TCERG1: variants seen among roughly 807,000 people sequenced by gnomAD.
TCERG1 encodes the protein TATA box binding protein (TBP)-associated factor, RNA polymerase II, S, 150kD.
Under a neutral mutation model 144.7 loss-of-function variants are expected in TCERG1, and 37 were observed. That is an observed-to-expected ratio of 0.26 (90% CI 0.20 to 0.34). The LOEUF (loss-of-function observed/expected upper bound fraction) is 0.34, where lower values mean the gene tolerates loss of function less well. TCERG1 is among the 10% of genes least tolerant of loss of function. TCERG1 has a pLI of 1.00. For missense variants in TCERG1, 1,027 were observed against 1,380.7 expected, an observed-to-expected ratio of 0.74 and a Z score of 4.06; for synonymous variants, 492 against 458.2, an observed-to-expected ratio of 1.07 and a Z score of -0.94.
intron 15 of TCERG1, among the ~76,000 whole-genome samples, chr5:146,487,130 T>C (rs1561682036): frequency 1.3e-5 from 2 of 152,000 alleles, no homozygotes; most frequent in Non-Finnish European, 2.9e-5. Context: ...AATTACAGGA[T>C]ATTAAATATC....
At chr5:146,470,251 C>T in intron 7 of TCERG1, among the ~76,000 whole-genome samples, 1 of 152,140 alleles carries the variant, frequency 6.6e-6, no homozygotes, top group Non-Finnish European at 1.5e-5. Context: ...AATCCTTCTG[C>T]CTCAGCTTCC....
At chr5:146,447,944 C>A (rs913424885) in intron 1 of TCERG1, among the ~76,000 whole-genome samples, 1 of 152,242 alleles carries the variant, frequency 6.6e-6, no homozygotes, top group East Asian at 1.9e-4. Context: ...TGTGGCTTTT[C>A]TTCCTTTTTT....
rs1017024987 is a variant in TCERG1, at chr5:146,511,404, A to C, written c.*762A>C. ...CCTTTCTGGGTGTTTCTTGTAAACT[A>C]TACTCCTGTTTGAATGTTAAACTTT... is the stretch of plus-strand genomic sequence containing the variant. On this transcript the variant is annotated 3_prime_UTR_variant, in exon 23 of 23. Transcript: ENST00000679501. 2 of 152,614 alleles carry C rather than the reference A, an allele frequency of 1.3e-5. No homozygotes were observed. Among genetic ancestry groups the C allele is most frequent in the African/African-American group, 4.8e-5 (2 of 41,456 alleles). The allele number at this position is 152,614 out of a possible 1,614,324, so 9.5% of individuals were successfully genotyped here. A position where few individuals can be genotyped will look rare whatever the true frequency, so the allele number is the denominator to read the frequency against.
chr5:146,476,110 A>G (rs1764819471), intron 9 of TCERG1, among the ~76,000 whole-genome samples: 1 of 152,040 alleles, frequency 6.6e-6, no homozygotes, highest in Non-Finnish European at 1.5e-5. Context: ...ACCTAGACTG[A>G]GCCATTTCTG....
Position 146,503,928 on chromosome 5 carries a change from A to G in TCERG1, c.2703A>G (p.Thr901=), listed in dbSNP as rs767572091. 2 of 1,613,012 alleles carry G rather than the reference A, an allele frequency of 1.2e-6. No individual in the cohort carries two copies. Among genetic ancestry groups the G allele is most frequent in the African/African-American group, 1.3e-5 (1 of 75,006 alleles). ...TTCAAAAGGCCCGTTCAGAACAAAC[A>G]AAAGAAATAGATCGAGAGAGAGAGC... is the stretch of plus-strand genomic sequence containing the variant. ...REVQKARSEQ[T]KEIDREREQH... The change falls in exon 19 of 23, where the codon ACA becomes ACG. Residue 901 remains threonine (T), a synonymous_variant. Transcript: ENST00000679501.
At chr5:146,465,437 G>A (rs1763692869) in intron 5 of TCERG1, among the ~76,000 whole-genome samples, 1 of 152,158 alleles carries the variant, frequency 6.6e-6, no homozygotes, top group Non-Finnish European at 1.5e-5. Flanking sequence ...TCTATAGAAA[G>A]TAGAAGTTTC....
At chr5:146,483,709 C>G in intron 15 of TCERG1, 80 bp downstream of exon 15, 1 of 1,122,306 alleles carries the variant, frequency 8.9e-7, no homozygotes, top group Non-Finnish European at 1.3e-6. Context: ...AAAGTACCAT[C>G]CCTTTTTTTT....
chr5:146,482,394 T>C, intron 13 of TCERG1, 198 bp from the exon 14 acceptor site: 1 of 422,532 alleles, frequency 2.4e-6, no homozygotes, highest in African/African-American at 2.0e-5. Context: ...TGTAAATCAT[T>C]AGAAGCCCAT....
chr5:146,490,070 G>GTA, intron 15 of TCERG1, among the ~76,000 whole-genome samples: 1 of 152,166 alleles, frequency 6.6e-6, no homozygotes, highest in Non-Finnish European at 1.5e-5. Flanking sequence ...TTATAAGTAA[G>GTA]TATATACTGA....
At position 146,498,640 on chromosome 5, in the gene TCERG1, C is replaced by G; in HGVS notation, c.2387C>G (p.Ala796Gly). 2 of 1,610,330 alleles carry G rather than the reference C, an allele frequency of 1.2e-6. No homozygotes were observed. Among genetic ancestry groups the G allele is most frequent in the Non-Finnish European group, 1.7e-6 (2 of 1,178,286 alleles). Residue 796 changes from alanine (A) to glycine (G), a missense_variant, in exon 17 of 23, where the codon GCT becomes GGT. Transcript: ENST00000679501. ...GCCTTGTTTAATGAGTTTGTGGCCGCTGCTAGGAAGAAAGAGAAAGAAGAT... is the reference window on the plus strand; with the variant it reads ...GCCTTGTTTAATGAGTTTGTGGCCGGTGCTAGGAAGAAAGAGAAAGAAGAT... ...REALFNEFVA[A>G]ARKKEKEDSK...
In TCERG1 at chr5:146,478,488, C is replaced by G. The variant is rs1181887280; in HGVS notation, c.1602-5C>G. 6.3e-7 allele frequency: 1 copy of G among 1,578,206 alleles called. No homozygotes were observed. The highest frequency in any genetic ancestry group is 1.4e-5 in the African/African-American group (1 of 72,982). On this transcript the variant is annotated splice_polypyrimidine_tract_variant and splice_region_variant and intron_variant, in intron 9 of 22. Transcript: ENST00000679501. ...AAGAGAATGATATTTTGCATCAATT[C>G]TTAGGTGTGTCGTTTGGACTGGTGA...
intron 1 of TCERG1, among the ~76,000 whole-genome samples, chr5:146,449,707 A>G (rs1013496105): frequency 1.3e-5 from 2 of 152,210 alleles, no homozygotes; most frequent in African/African-American, 4.8e-5. Flanking sequence ...TATTCATGCA[A>G]GTAGGCTTTT....
upstream of TCERG1, chr5:146,447,332 T>A: frequency 6.2e-7 from 1 of 1,610,726 alleles, no homozygotes; most frequent in Non-Finnish European, 8.5e-7. Flanking sequence ...GGCGGGTGGA[T>A]GAACGCGGCC....
chr5:146,508,961 A>G (rs959500278), intron 21 of TCERG1, among the ~76,000 whole-genome samples, 184 bp from the exon 22 acceptor site: 2 of 152,226 alleles, frequency 1.3e-5, no homozygotes, highest in Non-Finnish European at 2.9e-5. Flanking sequence ...CGCAAAAATG[A>G]GCCTTGCAAA....
intron 2 of TCERG1, among the ~76,000 whole-genome samples, chr5:146,455,581 A>T (rs185040277): frequency 3.3e-5 from 5 of 152,198 alleles, no homozygotes; most frequent in Admixed American, 6.5e-5. Flanking sequence ...TTTATGGGAA[A>T]TGAAGTTTGA....
At chr5:146,448,034 C>T (rs893633001) in intron 1 of TCERG1, among the ~76,000 whole-genome samples, 1 of 152,216 alleles carries the variant, frequency 6.6e-6, no homozygotes. Context: ...TACCGTGTGC[C>T]AGTAAACCCT....
chr5:146,468,290 C>A, intron 5 of TCERG1, 51 bp from the exon 6 acceptor site: 3 of 1,407,792 alleles, frequency 2.1e-6, no homozygotes, highest in Non-Finnish European at 2.9e-6. Context: ...CCAGTGGTAG[C>A]CGACATACAA....
intron 1 of TCERG1, among the ~76,000 whole-genome samples, chr5:146,451,731 C>T (rs1287862650): frequency 1.4e-5 from 2 of 147,308 alleles, no homozygotes; most frequent in Non-Finnish European, 3.0e-5. Context: ...GTTTACAGTC[C>T]TGGTTATACC....
chr5:146,496,857 G>A (rs959719264), intron 16 of TCERG1, among the ~76,000 whole-genome samples: 1 of 144,560 alleles, frequency 6.9e-6, no homozygotes, highest in East Asian at 2.2e-4. Flanking sequence ...TAGGGACAGA[G>A]CCTCACTATG....
Sources: allele counts gnomAD v4.1 joint callset (sites outside exome capture counted in the v4.1 genomes callset), GRCh38; gene constraint gnomAD v4.1.1; transcripts MANE v1.5; gene names NCBI Gene and HGNC (gene_info 2026-07-23, HGNC 2026-07-21).